PARD3: variants seen among roughly 807,000 people sequenced by gnomAD.
The protein encoded by PARD3 is par-3 family cell polarity regulator.
Under a neutral mutation model 155.4 loss-of-function variants are expected in PARD3, and 75 were observed. The observed-to-expected ratio is 0.48, with a 90% CI of 0.40 to 0.58. The LOEUF (loss-of-function observed/expected upper bound fraction) is 0.58, where lower values mean the gene tolerates loss of function less well. Among genes scored for constraint, PARD3 ranks in the 20% least tolerant of loss-of-function variants. The pLI, the probability that PARD3 is intolerant of heterozygous loss-of-function variation, is 0.00. For missense variants in PARD3, 1,642 were observed against 1,721.7 expected, an observed-to-expected ratio of 0.95 and a Z score of 0.82; for synonymous variants, 576 against 610.5, an observed-to-expected ratio of 0.94 and a Z score of 0.83.
chr10:34,574,909 T>C (rs975964693), intron 2 of PARD3, among the ~76,000 whole-genome samples: 3 of 152,230 alleles, frequency 2.0e-5, no homozygotes, highest in African/African-American at 7.2e-5. Context: ...CTAATAATTT[T>C]ATCCAGAACA....
intron 20 of PARD3, among the ~76,000 whole-genome samples, chr10:34,292,699 A>G (rs1017420781): frequency 6.6e-6 from 1 of 152,142 alleles, no homozygotes; most frequent in Non-Finnish European, 1.5e-5. Context: ...ATCTTGGGAA[A>G]AAGAGGTAAC....
chr10:34,160,643 A>G (rs1300522428), intron 22 of PARD3, among the ~76,000 whole-genome samples: 1 of 152,210 alleles, frequency 6.6e-6, no homozygotes, highest in Non-Finnish European at 1.5e-5. Context: ...AATTTTCTAT[A>G]ATCTTTTTTT....
intron 2 of PARD3, among the ~76,000 whole-genome samples, chr10:34,646,684 G>A (rs888518252): frequency 5.3e-5 from 8 of 152,168 alleles, no homozygotes; most frequent in Non-Finnish European, 1.0e-4. Flanking sequence ...TCGTGTGCGT[G>A]AGACAAGGTC....
At chr10:34,316,319 G>A (rs1366903586) in intron 20 of PARD3, among the ~76,000 whole-genome samples, 2 of 152,044 alleles carry the variant, frequency 1.3e-5, no homozygotes, top group African/African-American at 4.8e-5. Flanking sequence ...AACTTTTATG[G>A]GAGAGTTTCA....
At chr10:34,765,553 C>T (rs1213308253) in intron 1 of PARD3, among the ~76,000 whole-genome samples, 1 of 152,022 alleles carries the variant, frequency 6.6e-6, no homozygotes, top group Non-Finnish European at 1.5e-5. Context: ...TGGTGCATAC[C>T]TGTCATCCCA....
At chr10:34,722,199 A>T (rs992528844) in intron 1 of PARD3, among the ~76,000 whole-genome samples, 1 of 151,982 alleles carries the variant, frequency 6.6e-6, no homozygotes, top group Non-Finnish European at 1.5e-5. Flanking sequence ...CTCAAAATAT[A>T]TATTTTTGAG....
chr10:34,735,911 AAT>A (rs2094905143), intron 1 of PARD3, among the ~76,000 whole-genome samples: 1 of 152,156 alleles, frequency 6.6e-6, no homozygotes, highest in Admixed American at 6.5e-5. Flanking sequence ...GAGTAATAAA[AAT>A]AGAGTCTCAC....
chr10:34,793,695 A>C (rs994160224), intron 1 of PARD3, among the ~76,000 whole-genome samples: 5 of 151,938 alleles, frequency 3.3e-5, no homozygotes, highest in Non-Finnish European at 7.4e-5. Flanking sequence ...CTGAGGCAGG[A>C]GAATTGCTTG....
chr10:34,575,946 T>G (rs758737413), intron 2 of PARD3, among the ~76,000 whole-genome samples: 19 of 150,500 alleles, frequency 1.3e-4, no homozygotes, highest in Non-Finnish European at 2.5e-4. Context: ...AGCTCTTCTC[T>G]GTAGGTTCTA....
At chr10:34,610,181 C>A (rs942948470) in intron 2 of PARD3, among the ~76,000 whole-genome samples, 1 of 152,086 alleles carries the variant, frequency 6.6e-6, no homozygotes, top group Non-Finnish European at 1.5e-5. Flanking sequence ...TTAAATATAT[C>A]GGCTAGGGCA....
At chr10:34,319,902 G>C (rs1436149520) in intron 19 of PARD3, among the ~76,000 whole-genome samples, 1 of 152,056 alleles carries the variant, frequency 6.6e-6, no homozygotes, top group Non-Finnish European at 1.5e-5. Flanking sequence ...TAAAAACCTA[G>C]GTCTATTGGT....
intron 22 of PARD3, among the ~76,000 whole-genome samples, chr10:34,261,769 G>GAAGAAAGAAAGAA (rs1440518672): frequency 4.4e-5 from 3 of 67,658 alleles, no homozygotes. Context: ...AGGAAGGAAG[G>GAAGAAAGAAAGAA]AAGAAAGAAA....
In PARD3 at chr10:34,470,154, T is replaced by C; in HGVS notation, c.513A>G (p.Thr171=). 1.2e-6 allele frequency: 2 copies of C among 1,613,556 alleles called. No homozygotes were observed. Among genetic ancestry groups the C allele is most frequent in the East Asian group, 2.2e-5 (1 of 44,854 alleles). The change falls in exon 4 of 25, where the codon ACA becomes ACG. Residue 171 remains threonine, a synonymous_variant. Coordinates refer to ENST00000374788, the MANE Select transcript of PARD3 (RefSeq NM_001184785.2). The part of the protein sequence containing the change: ...SSEEPSRKNP[T]RWSTTAGFLK... ...GGAAGCCAGCTGTTGTTGACCAGCG[T>C]GTGGGATTTTTCCTTGAAGGCTCTT...
At chr10:34,259,680 T>G (rs755314828) in intron 22 of PARD3, among the ~76,000 whole-genome samples, 1 of 152,178 alleles carries the variant, frequency 6.6e-6, no homozygotes, top group Non-Finnish European at 1.5e-5. Context: ...ACGAGAGGAA[T>G]GAACCAGAGA....
intron 16 of PARD3, among the ~76,000 whole-genome samples, chr10:34,341,262 T>G (rs984570842): frequency 6.6e-6 from 1 of 151,480 alleles, no homozygotes; most frequent in African/African-American, 2.4e-5. Context: ...TGCAAAAGTA[T>G]CTAATTGTTG....
chr10:34,468,415 T>TA (rs1046009451), intron 4 of PARD3, among the ~76,000 whole-genome samples: 13 of 152,196 alleles, frequency 8.5e-5, no homozygotes, highest in African/African-American at 3.1e-4. Flanking sequence ...AAAACCAAGT[T>TA]AAAAAAATTT....
intron 3 of PARD3, among the ~76,000 whole-genome samples, chr10:34,481,022 A>G (rs952468814): frequency 2.0e-5 from 3 of 151,708 alleles, no homozygotes; most frequent in Non-Finnish European, 4.4e-5. Flanking sequence ...GGCTGGTCTC[A>G]AACTCCTGAC....
At chr10:34,389,738 AC>A (rs149777386) in intron 7 of PARD3, among the ~76,000 whole-genome samples, 3,733 of 152,282 alleles carry the variant, frequency 0.025, 138 homozygotes, top group African/African-American at 0.086. Flanking sequence ...GCCAGCAACT[AC>A]CTACATGAGC....
Position 34,814,492 on chromosome 10 carries a change from G to A in PARD3, c.120+384C>T, listed in dbSNP as rs192361804. ...CCCCGGGGCCTGGGAGCCGGGAAAG[G>A]CCTGGGGCTGGATTTCCCGGCCTGC... On this transcript the variant is annotated intron_variant, in intron 1 of 24. Coordinates refer to ENST00000374788, the MANE Select transcript of PARD3 (RefSeq NM_001184785.2). 1.3e-3 allele frequency among the ~76,000 whole-genome samples: 197 copies of A among 152,036 alleles called. 2 individuals are homozygous for A. In the East Asian group the frequency reaches 0.031, roughly 24 times the overall value.
Sources: allele counts gnomAD v4.1 joint callset (sites outside exome capture counted in the v4.1 genomes callset), GRCh38; gene constraint gnomAD v4.1.1; transcripts MANE v1.5; gene names NCBI Gene and HGNC (gene_info 2026-07-23, HGNC 2026-07-21).